ATRNL1: variants seen among roughly 807,000 people sequenced by gnomAD.
The protein encoded by ATRNL1 is attractin like 1, also known as attractin-like protein 1.
A neutral mutation model predicts 182.7 loss-of-function variants in ATRNL1; 95 were observed. The observed-to-expected ratio is 0.52, with a 90% CI of 0.44 to 0.62. The LOEUF is 0.62. Among genes scored for constraint, ATRNL1 ranks in the 20% least tolerant of loss-of-function variants. The pLI is 0.00. For missense variants in ATRNL1, 1,471 were observed against 1,679.5 expected (o/e 0.88, Z 2.17); for synonymous variants, 576 against 568.3 (o/e 1.01, Z -0.19).
chr10:115,194,966 A>G (rs1262524894), intron 8 of ATRNL1, among the ~76,000 whole-genome samples: 1 of 152,004 alleles, frequency 6.6e-6, no homozygotes, highest in East Asian at 1.9e-4. Flanking sequence ...AAAAAACAAA[A>G]CAAATAAGCA....
intron 9 of ATRNL1, among the ~76,000 whole-genome samples, chr10:115,240,289 T>C (rs1850362561): frequency 1.3e-5 from 2 of 151,504 alleles, no homozygotes; most frequent in African/African-American, 4.8e-5. Context: ...TCTCACTCTG[T>C]TGCCCAGGCT....
chr10:115,888,799 C>T (rs977655275), intron 28 of ATRNL1, among the ~76,000 whole-genome samples: 1 of 152,174 alleles, frequency 6.6e-6, no homozygotes, highest in South Asian at 2.1e-4. Flanking sequence ...TCTTATCAGG[C>T]CATTTTCCTA....
intron 26 of ATRNL1, among the ~76,000 whole-genome samples, chr10:115,657,272 G>A (rs766312044): frequency 6.6e-6 from 1 of 152,104 alleles, no homozygotes; most frequent in Non-Finnish European, 1.5e-5. Flanking sequence ...TTAGATGCTT[G>A]CATCTATTCA....
chr10:115,580,590 G>A (rs1855010284), intron 26 of ATRNL1, among the ~76,000 whole-genome samples: 1 of 151,910 alleles, frequency 6.6e-6, no homozygotes, highest in African/African-American at 2.4e-5. Context: ...CATATTATTT[G>A]ATGTACCTGA....
chr10:115,583,075 T>C (rs1555008317), intron 26 of ATRNL1, among the ~76,000 whole-genome samples: 1 of 150,550 alleles, frequency 6.6e-6, no homozygotes, highest in African/African-American at 2.4e-5. Flanking sequence ...GCATTATTTC[T>C]GAGGGCTCTG....
chr10:115,267,054 A>G (rs782698713), intron 12 of ATRNL1, 49 bp downstream of exon 12: 7 of 1,278,166 alleles, frequency 5.5e-6, no homozygotes, highest in African/African-American at 1.5e-5. Context: ...TTTCTCTTCT[A>G]CAGAAGTAGA....
At chr10:115,202,918 T>C (rs1466549348) in intron 8 of ATRNL1, among the ~76,000 whole-genome samples, 2 of 150,462 alleles carry the variant, frequency 1.3e-5, no homozygotes, top group Non-Finnish European at 3.0e-5. Context: ...GAGCCTGTTA[T>C]TGGTCTATTC....
intron 8 of ATRNL1, among the ~76,000 whole-genome samples, chr10:115,195,839 C>A (rs1315068035): frequency 6.6e-6 from 1 of 151,942 alleles, no homozygotes; most frequent in Non-Finnish European, 1.5e-5. Context: ...TAAAAAATGT[C>A]TGTACTTTTT....
rs557411795 is a variant in ATRNL1 at position 115,249,728 on chromosome 10, G to A, written c.1687+8003G>A. 4.6e-5 allele frequency among the ~76,000 whole-genome samples: 7 copies of A among 151,334 alleles called. No individual in the cohort carries two copies. The East Asian group carries it at 5.8e-4, about 13-fold the overall frequency. ...TATCTTGGTCTTCATTCTTTTCATC[G>A]TGGCTGTTTTGTTGGTATAGAATAT... On this transcript the variant is annotated intron_variant, in intron 10 of 28. Transcript: ENST00000355044.
chr10:115,923,133 G>C (rs1299589666), intron 28 of ATRNL1, among the ~76,000 whole-genome samples: 3 of 152,142 alleles, frequency 2.0e-5, no homozygotes, highest in African/African-American at 7.2e-5. Context: ...TCTAATGATA[G>C]TGAAGTGGCT....
chr10:115,215,962 A>G, intron 9 of ATRNL1, 82 bp downstream of exon 9: 1 of 1,107,670 alleles, frequency 9.0e-7, no homozygotes, highest in Non-Finnish European at 1.2e-6. Context: ...TGACATAGAA[A>G]TACTTACTTT....
chr10:115,164,955 A>G (rs1846970360), intron 6 of ATRNL1, among the ~76,000 whole-genome samples: 1 of 152,100 alleles, frequency 6.6e-6, no homozygotes, highest in African/African-American at 2.4e-5. Flanking sequence ...ATATTTCAAA[A>G]TAGCTAGAAG....
intron 21 of ATRNL1, among the ~76,000 whole-genome samples, chr10:115,454,532 G>A (rs1847433286): frequency 6.6e-6 from 1 of 152,040 alleles, no homozygotes; most frequent in Admixed American, 6.6e-5. Context: ...TCCAATCCAT[G>A]AATATGGGAT....
chr10:115,419,996 T>TTTAA (rs1845578114), intron 20 of ATRNL1, among the ~76,000 whole-genome samples: 1 of 152,046 alleles, frequency 6.6e-6, no homozygotes, highest in African/African-American at 2.4e-5. Context: ...TGTAACATTG[T>TTTAA]TTAAGATAGA....
At chr10:115,318,124 GGCCTTTTCT>G (rs1160560379) in intron 18 of ATRNL1, among the ~76,000 whole-genome samples, 4 of 152,142 alleles carry the variant, frequency 2.6e-5, no homozygotes, top group African/African-American at 9.7e-5. Flanking sequence ...TTTTATCAAA[GGCCTTTTCT>G]GCATCTATTG....
At chr10:115,623,158 A>G (rs117625021) in intron 26 of ATRNL1, among the ~76,000 whole-genome samples, 2,969 of 152,294 alleles carry the variant, frequency 0.019, 65 homozygotes, top group East Asian at 0.12. Flanking sequence ...CTTGATTTAT[A>G]AGGTATATGG....
At chr10:115,905,606 G>A (rs1461740141) in intron 28 of ATRNL1, among the ~76,000 whole-genome samples, 3 of 152,150 alleles carry the variant, frequency 2.0e-5, no homozygotes, top group East Asian at 1.9e-4. Context: ...TAAATTCAAC[G>A]GAAAGAAATC....
chr10:115,177,849 CAAAT>C (rs782562443), intron 8 of ATRNL1, among the ~76,000 whole-genome samples: 2 of 125,886 alleles, frequency 1.6e-5, no homozygotes, highest in Non-Finnish European at 3.2e-5. Context: ...GAAGCATACA[CAAAT>C]AAATCAGGAA....
intron 27 of ATRNL1, among the ~76,000 whole-genome samples, chr10:115,727,638 ATGAT>A (rs1555060717): frequency 6.6e-6 from 1 of 152,204 alleles, no homozygotes; most frequent in Non-Finnish European, 1.5e-5. Flanking sequence ...AGATATAGGT[ATGAT>A]CGAAGAAACA....
Sources: allele counts gnomAD v4.1 joint callset (sites outside exome capture counted in the v4.1 genomes callset), GRCh38; gene constraint gnomAD v4.1.1; transcripts MANE v1.5; gene names NCBI Gene and HGNC (gene_info 2026-07-23, HGNC 2026-07-21).